The following ATP2B3 variants were observed in gnomAD, a reference collection of about 807,000 sequenced individuals.
ATP2B3 encodes plasma membrane calcium-transporting ATPase 3.
In ATP2B3, 12 loss-of-function variants were observed where a neutral mutation model predicts 70.8. That is an observed-to-expected ratio of 0.17 (90% CI 0.11 to 0.27). The LOEUF (loss-of-function observed/expected upper bound fraction) is 0.27, where lower values mean the gene tolerates loss of function less well. Among genes scored for constraint, ATP2B3 ranks in the 10% least tolerant of loss-of-function variants. The pLI is 1.00. For synonymous variants in ATP2B3, 460 were observed against 497.8 expected, an observed-to-expected ratio of 0.92 and a Z score of 1.01; for missense variants, 858 against 1,118.5, an observed-to-expected ratio of 0.77 and a Z score of 3.32.
chrX:153,522,573 C>G (rs1569533092), intron 2 of ATP2B3, among the ~76,000 whole-genome samples: 1 of 112,221 alleles, frequency 8.9e-6, no homozygotes, highest in Non-Finnish European at 1.9e-5. Context: ...AATGGAGACC[C>G]GAGTCCTCAC....
chrX:153,569,689 C>A, intron 21 of ATP2B3: 1 of 1,211,498 alleles, frequency 8.3e-7, no homozygotes, highest in South Asian at 1.8e-5. Flanking sequence ...AGCTTCATGA[C>A]GTAACCAATC....
chrX:153,572,398 C>T (rs1384695885), intron 21 of ATP2B3, among the ~76,000 whole-genome samples: 5 of 112,859 alleles, frequency 4.4e-5, no homozygotes, highest in African/African-American at 1.6e-4. Flanking sequence ...CCAAGCCTTT[C>T]CTACTAAGGA....
At chrX:153,545,165 C>T (rs2090346388) in intron 7 of ATP2B3, among the ~76,000 whole-genome samples, 1 of 112,725 alleles carries the variant, frequency 8.9e-6, no homozygotes, top group African/African-American at 3.2e-5. Flanking sequence ...CAGATGTGGC[C>T]CCCAGGAAGC....
At chrX:153,551,693 A>T (rs1557011560) in intron 12 of ATP2B3, among the ~76,000 whole-genome samples, 1 of 111,902 alleles carries the variant, frequency 8.9e-6, no homozygotes, top group Non-Finnish European at 1.9e-5. Context: ...CTATACTAAA[A>T]ACCATCGAAT....
chrX:153,550,313 G>T, intron 12 of ATP2B3, 27 bp downstream of exon 12: 1 of 1,206,187 alleles, frequency 8.3e-7, no homozygotes, highest in Non-Finnish European at 1.1e-6. Flanking sequence ...GAGGTGCCGG[G>T]GTACGCACGG....
At chrX:153,574,873 A>G (rs1557020905) in intron 21 of ATP2B3, 1 of 330,679 alleles carries the variant, frequency 3.0e-6, no homozygotes, top group Non-Finnish European at 5.9e-6. Flanking sequence ...GCTTTGGCTC[A>G]GTGTGGCCAG....
At chrX:153,563,940 C>T (rs4898419) in intron 20 of ATP2B3, among the ~76,000 whole-genome samples, 49,089 of 111,848 alleles carry the variant, frequency 0.44, 8,754 homozygotes, top group South Asian at 0.6. Flanking sequence ...ACAGACGAGA[C>T]GTCTTGCTCT....
chrX:153,519,962 G>T (rs147728503), intron 2 of ATP2B3, among the ~76,000 whole-genome samples: 5,644 of 112,049 alleles, frequency 0.05, 154 homozygotes, highest in Middle Eastern at 0.084. Context: ...CCCCCGAGGG[G>T]CAAGGAAGGG....
Position 153,580,124 on chromosome X carries a change from C to T in ATP2B3, c.3489C>T (p.Asp1163=), listed in dbSNP as rs782328734. The T allele has an allele frequency of 1.6e-5, 19 of 1,212,344 alleles. No homozygotes were observed. The East Asian group carries it at 2.4e-4, about 15-fold the overall frequency. ...ACATCCCGCTCATTGACGACACGGACGTGGACGAGAACGAGGAGCGCCTCC... is the reference window on the plus strand; with the variant it reads ...ACATCCCGCTCATTGACGACACGGATGTGGACGAGAACGAGGAGCGCCTCC... ...THNIPLIDDT[D]VDENEERLRA... The change falls in exon 22 of 22, where the codon GAC becomes GAT. Residue 1163 remains aspartate (D), a synonymous_variant. Coordinates refer to ENST00000263519, the MANE Select transcript of ATP2B3 (RefSeq NM_001001344.3).
Position 153,559,900 on chromosome X carries a change from G to A in ATP2B3, c.2797G>A (p.Ala933Thr), listed in dbSNP as rs376398205. ...RTMMKNILGH[A>T]VYQLAIIFTL... is the part of the protein sequence containing the mutation. The stretch of plus-strand genomic sequence containing the variant: ...CATGATGAAGAACATTCTGGGCCAC[G>A]CCGTGTACCAGCTCGCCATCATCTT... Residue 933 changes from alanine (A) to threonine (T), a missense_variant, in exon 18 of 22, where the codon GCC becomes ACC. By Grantham distance (58) the Ala-to-Thr change is moderately conservative (BLOSUM62 0). Around this residue, in one of 5 missense-constraint regions of ATP2B3, gnomAD observed 265 missense variants for 305.3 expected, o/e 0.87. Transcript: ENST00000263519. 1.5e-5 allele frequency: 18 copies of A among 1,210,172 alleles called. No individual in the cohort carries two copies. Among genetic ancestry groups the A allele is most frequent in the Admixed American group, 2.2e-5 (1 of 45,893 alleles).
intron 7 of ATP2B3, among the ~76,000 whole-genome samples, chrX:153,543,619 G>A (rs1557007664): frequency 8.9e-6 from 1 of 112,766 alleles, no homozygotes; most frequent in African/African-American, 3.2e-5. Flanking sequence ...TGTGGGTGGT[G>A]GCCCTGCCCT....
At chrX:153,528,194 C>T (rs1368452883) in intron 2 of ATP2B3, among the ~76,000 whole-genome samples, 3 of 112,470 alleles carry the variant, frequency 2.7e-5, no homozygotes, top group Non-Finnish European at 3.8e-5. Context: ...CTTTTCAGGG[C>T]AGTATAACTT....
chrX:153,578,598 G>A (rs975950719), intron 21 of ATP2B3, among the ~76,000 whole-genome samples: 37 of 112,578 alleles, frequency 3.3e-4, no homozygotes, highest in African/African-American at 1.1e-3. Context: ...GTGCCCTGCC[G>A]GAGGGTCAGG....
At chrX:153,535,414 C>T (rs1557003449) in intron 2 of ATP2B3, among the ~76,000 whole-genome samples, 3 of 111,211 alleles carry the variant, frequency 2.7e-5, no homozygotes, top group Non-Finnish European at 1.9e-5. Context: ...TGTGTACCCT[C>T]TCCTCCTCTC....
chrX:153,552,938 C>T, intron 12 of ATP2B3, 97 bp from the exon 13 acceptor site: 1 of 724,216 alleles, frequency 1.4e-6, no homozygotes, highest in South Asian at 2.6e-5. Context: ...TGATAAGGAC[C>T]CCAGTCCTTG....
At chrX:153,525,527 G>A (rs1888302201) in intron 2 of ATP2B3, among the ~76,000 whole-genome samples, 1 of 112,151 alleles carries the variant, frequency 8.9e-6, no homozygotes, top group Non-Finnish European at 1.9e-5. Context: ...CCCACCATGG[G>A]CCTCAGCTCC....
chrX:153,560,940 G>A, intron 19 of ATP2B3, 53 bp downstream of exon 19: 32 of 1,191,430 alleles, frequency 2.7e-5, no homozygotes, highest in Non-Finnish European at 3.6e-5. Context: ...AAGTGGAGGT[G>A]GTGGGCTTCA....
intron 2 of ATP2B3, among the ~76,000 whole-genome samples, chrX:153,520,474 G>A (rs1261060181): frequency 8.9e-6 from 1 of 112,757 alleles, no homozygotes; most frequent in Non-Finnish European, 1.9e-5. Flanking sequence ...TTCACCAATG[G>A]CCACTGTCTC....
At chrX:153,525,162 C>T (rs2090013001) in intron 2 of ATP2B3, among the ~76,000 whole-genome samples, 1 of 112,270 alleles carries the variant, frequency 8.9e-6, no homozygotes, top group Non-Finnish European at 1.9e-5. Context: ...CACTGTGGGC[C>T]GGCAGAAGAT....
Sources: gnomAD v4.1 joint callset for allele counts (sites outside exome capture counted in the v4.1 genomes callset) on GRCh38, gnomAD v4.1.1 for gene constraint, gnomAD v4.1.1 regional missense constraint, MANE v1.5 for transcripts, NCBI Gene and HGNC (gene_info 2026-07-23, HGNC 2026-07-21) for gene names.